Variants in PTN observed in about 807,000 individuals in gnomAD.
The protein encoded by PTN is pleiotrophin, also known as heparin affin regulatory protein.
PTN carries 18 observed loss-of-function variants against 24.1 expected under a neutral mutation model. That is an observed-to-expected ratio of 0.75 (90% CI 0.52 to 1.11). The LOEUF (loss-of-function observed/expected upper bound fraction) is 1.11, where lower values mean the gene tolerates loss of function less well. Ranked by LOEUF, PTN falls within the 50% of genes least tolerant of loss-of-function variation. The probability of loss-of-function intolerance (pLI) is 0.00; values close to 1 mark genes in which losing one functional copy is unlikely to be tolerated. For missense variants in PTN, 163 were observed against 198.8 expected (o/e 0.82, Z 1.08); for synonymous variants, 78 against 68.6 (o/e 1.14, Z -0.67).
In PTN at chr7:137,338,361, A is replaced by AT. The variant is rs560135325; in HGVS notation, c.-2+5077dup. The stretch of plus-strand genomic sequence containing the variant: ...AATTCTTAAGTTGTCACTTCCAATA[A>AT]TTTGTTTCTGCTACGTTATGTGGCA... On this transcript the variant is annotated intron_variant, in intron 1 of 4. Coordinates refer to ENST00000348225, the MANE Select transcript of PTN (RefSeq NM_002825.7). 2.6e-4 allele frequency among the ~76,000 whole-genome samples: 39 copies of AT among 152,316 alleles called. 1 individual carries two copies. The South Asian group carries it at 7.9e-3, about 31-fold the overall frequency.
At chr7:137,337,955 A>G (rs1277132821) in intron 1 of PTN, among the ~76,000 whole-genome samples, 1 of 152,182 alleles carries the variant, frequency 6.6e-6, no homozygotes, top group Non-Finnish European at 1.5e-5. Flanking sequence ...TAAATATGCT[A>G]GGGTTCTTGA....
chr7:137,293,295 C>T (rs1003964085), intron 1 of PTN, among the ~76,000 whole-genome samples: 1 of 152,112 alleles, frequency 6.6e-6, no homozygotes, highest in Non-Finnish European at 1.5e-5. Flanking sequence ...TACTTCCTGA[C>T]TGACGGGATG....
chr7:137,343,653 G>A lies in PTN; in HGVS notation c.-216C>T, dbSNP rs757146906. 2 of 517,782 alleles carry A rather than the reference G, an allele frequency of 3.9e-6. No homozygotes were observed. Among genetic ancestry groups the A allele is most frequent in the Admixed American group, 1.9e-5 (1 of 51,458 alleles). The allele number at this position is 517,782 out of a possible 1,614,324, so 32.1% of individuals were successfully genotyped here. On this transcript the variant is annotated 5_prime_UTR_variant, in exon 1 of 5. Coordinates refer to ENST00000348225, the MANE Select transcript of PTN (RefSeq NM_002825.7). ...CTGGGGCTCTCTTGGCGGGATTTTT[G>A]GACTGGAAGGCGGGGAACCTGATCC... is the stretch of plus-strand genomic sequence containing the variant.
intron 1 of PTN, among the ~76,000 whole-genome samples, chr7:137,263,546 C>T (rs1809081060): frequency 6.6e-6 from 1 of 152,158 alleles, no homozygotes; most frequent in Non-Finnish European, 1.5e-5. Flanking sequence ...CAGCCTGCAA[C>T]CATATGATTC....
intron 1 of PTN, among the ~76,000 whole-genome samples, chr7:137,255,829 G>C (rs1226015708): frequency 1.3e-5 from 2 of 152,198 alleles, no homozygotes; most frequent in African/African-American, 4.8e-5. Flanking sequence ...CCAAGCTCCA[G>C]GACGACCCAC....
intron 1 of PTN, among the ~76,000 whole-genome samples, chr7:137,284,106 T>C (rs911261800): frequency 6.6e-6 from 1 of 151,488 alleles, no homozygotes; most frequent in Non-Finnish European, 1.5e-5. Context: ...TAGCTGGGAC[T>C]ACAGAAGCCC....
intron 4 of PTN, among the ~76,000 whole-genome samples, chr7:137,236,790 T>G (rs1202963806): frequency 6.6e-6 from 1 of 152,150 alleles, no homozygotes. Context: ...AAATTAGAAA[T>G]GAAATGTAGT....
intron 1 of PTN, among the ~76,000 whole-genome samples, chr7:137,305,772 C>A (rs1240041369): frequency 6.6e-6 from 1 of 152,018 alleles, no homozygotes; most frequent in Admixed American, 6.6e-5. Context: ...CAAGTGGCAA[C>A]CTTATGGACT....
At chr7:137,287,046 A>T (rs1809566953) in intron 1 of PTN, among the ~76,000 whole-genome samples, 1 of 152,162 alleles carries the variant, frequency 6.6e-6, no homozygotes, top group South Asian at 2.1e-4. Context: ...AGTCCTAATT[A>T]TTCTATTTAT....
intron 1 of PTN, among the ~76,000 whole-genome samples, chr7:137,335,928 C>CCTTTTT (rs1452375474): frequency 3.5e-5 from 5 of 141,898 alleles, no homozygotes; most frequent in Non-Finnish European, 4.6e-5. Context: ...TGTCTTCTCG[C>CCTTTTT]TTTTTTTTTT....
intron 1 of PTN, among the ~76,000 whole-genome samples, chr7:137,327,569 G>A (rs1260588604): frequency 1.3e-5 from 2 of 152,014 alleles, no homozygotes. Context: ...GTGACGGGAG[G>A]AGGATCACTT....
intron 1 of PTN, among the ~76,000 whole-genome samples, chr7:137,283,107 C>T (rs1809498999): frequency 1.3e-5 from 2 of 152,300 alleles, no homozygotes; most frequent in South Asian, 2.1e-4. Context: ...TCCCATCCCA[C>T]AAGGTTCCCA....
At chr7:137,283,992 A>G (rs918420628) in intron 1 of PTN, among the ~76,000 whole-genome samples, 3 of 52,366 alleles carry the variant, frequency 5.7e-5, no homozygotes, top group Non-Finnish European at 6.9e-5. Flanking sequence ...TTTTTTTGAG[A>G]TAGAGTCTCT....
intron 1 of PTN, among the ~76,000 whole-genome samples, chr7:137,266,435 TAAATTATACAACATTTTTTGCATA>T (rs1809146611): frequency 6.6e-6 from 1 of 152,182 alleles, no homozygotes; most frequent in African/African-American, 2.4e-5. Context: ...TTATTACTTT[TAAATTATACAACATTTTTTGCATA>T]AATTTTTTTA....
chr7:137,261,142 T>A lies in PTN; in HGVS notation c.-1-6168A>T, dbSNP rs201561530. ...TTCATATTTGATAGGTTTTAAGCCA[T>A]CACATTCTTTTTATCTTTATTGAAG... is the stretch of plus-strand genomic sequence containing the variant. On this transcript the variant is annotated intron_variant, in intron 1 of 4. Transcript: ENST00000348225. 2.0e-4 allele frequency among the ~76,000 whole-genome samples: 30 copies of A among 152,266 alleles called. No homozygotes were observed. In the East Asian group the frequency reaches 5.6e-3, roughly 28 times the overall value.
chr7:137,237,660 C>A (rs536944726), intron 4 of PTN, among the ~76,000 whole-genome samples: 6 of 152,180 alleles, frequency 3.9e-5, no homozygotes, highest in African/African-American at 1.4e-4. Context: ...AATTCTTTCA[C>A]CCCCCTTCAA....
chr7:137,274,371 T>C (rs1393118991), intron 1 of PTN, among the ~76,000 whole-genome samples: 1 of 152,188 alleles, frequency 6.6e-6, no homozygotes, highest in Non-Finnish European at 1.5e-5. Context: ...CAGTATTTTT[T>C]TTTATATATA....
intron 1 of PTN, among the ~76,000 whole-genome samples, chr7:137,285,683 A>AG (rs1016895402): frequency 8.9e-4 from 136 of 152,350 alleles, no homozygotes; most frequent in African/African-American, 3.2e-3. Flanking sequence ...AATAAAAAAA[A>AG]TAAAGTAGTT....
At chr7:137,308,287 G>C (rs963319153) in intron 1 of PTN, among the ~76,000 whole-genome samples, 2 of 152,016 alleles carry the variant, frequency 1.3e-5, no homozygotes, top group Non-Finnish European at 2.9e-5. Flanking sequence ...CTAAATTATG[G>C]TTTTGTCTAG....
Sources: gnomAD v4.1 joint callset for allele counts (sites outside exome capture counted in the v4.1 genomes callset) on GRCh38, gnomAD v4.1.1 for gene constraint, MANE v1.5 for transcripts, NCBI Gene and HGNC (gene_info 2026-07-23, HGNC 2026-07-21) for gene names.